The following NR1D2 variants were observed in gnomAD, a reference collection of about 807,000 sequenced individuals.
NR1D2 encodes the protein V-erbA-related protein 1-related.
Under a neutral mutation model 52.2 loss-of-function variants are expected in NR1D2, and 25 were observed. The ratio of observed to expected loss-of-function variants is 0.48; its 90% CI spans 0.35 to 0.67. The LOEUF (loss-of-function observed/expected upper bound fraction) is 0.67, where lower values mean the gene tolerates loss of function less well. NR1D2 is among the 30% of genes least tolerant of loss of function. The pLI, the probability that NR1D2 is intolerant of heterozygous loss-of-function variation, is 0.01. For synonymous variants in NR1D2, 259 were observed against 230.1 expected, an observed-to-expected ratio of 1.13 and a Z score of -1.14; for missense variants, 681 against 707.2, an observed-to-expected ratio of 0.96 and a Z score of 0.42.
At chr3:23,976,965 C>A (rs796906823) in intron 7 of NR1D2, among the ~76,000 whole-genome samples, 6 of 151,738 alleles carry the variant, frequency 4.0e-5, no homozygotes, top group African/African-American at 1.5e-4. Context: ...CCTCTATGTT[C>A]TTGTGAATAA....
At chr3:23,968,327 A>G (rs1018119562) in intron 7 of NR1D2, among the ~76,000 whole-genome samples, 8 of 152,226 alleles carry the variant, frequency 5.3e-5, no homozygotes, top group Non-Finnish European at 1.2e-4. Context: ...TTGTTAGAAC[A>G]TTATGTATCT....
chr3:23,960,610 G>A (rs890440887), intron 4 of NR1D2, among the ~76,000 whole-genome samples: 3 of 152,166 alleles, frequency 2.0e-5, no homozygotes, highest in Non-Finnish European at 2.9e-5. Context: ...GGGATTACAG[G>A]TGTGAGCCAT....
intron 1 of NR1D2, among the ~76,000 whole-genome samples, chr3:23,951,941 A>G (rs543156410): frequency 7.9e-5 from 12 of 152,314 alleles, no homozygotes; most frequent in African/African-American, 2.6e-4. Flanking sequence ...TTTAGATTTT[A>G]GAATAAATGG....
In NR1D2 at chr3:23,956,078, G is replaced by T. The variant is rs1205849812; in HGVS notation, c.325G>T (p.Val109Leu). Residue 109 changes from valine to leucine, a missense_variant, in exon 3 of 8, where the codon GTG (valine) becomes TTG (leucine). Around this residue, in one of 3 missense-constraint regions of NR1D2, gnomAD observed 112 missense variants for 162.3 expected, o/e 0.69. Transcript: ENST00000312521. ...MVLLCKVCGD[V>L]ASGFHYGVHA... Reference sequence around the variant, plus strand: ...TCTACTGTGTAAAGTCTGTGGGGATGTGGCGTCAGGATTCCACTATGGAGT... The same window carrying T: ...TCTACTGTGTAAAGTCTGTGGGGATTTGGCGTCAGGATTCCACTATGGAGT... 1 of 1,614,112 alleles carries T rather than the reference G, an allele frequency of 6.2e-7. No homozygotes were observed. The highest frequency in any genetic ancestry group is 1.7e-5 in the Admixed American group (1 of 60,016).
chr3:23,971,267 C>T (rs191933659), intron 7 of NR1D2, among the ~76,000 whole-genome samples: 28 of 151,926 alleles, frequency 1.8e-4, no homozygotes, highest in African/African-American at 6.3e-4. Flanking sequence ...TTGTTGACCA[C>T]CCAACTCTGA....
At chr3:23,949,700 ATTAT>A (rs754843331) in intron 1 of NR1D2, among the ~76,000 whole-genome samples, 21 of 152,262 alleles carry the variant, frequency 1.4e-4, no homozygotes, top group Non-Finnish European at 2.1e-4. Context: ...TGGAGTAGAA[ATTAT>A]TTATAACACT....
intron 7 of NR1D2, among the ~76,000 whole-genome samples, chr3:23,969,415 C>A (rs1328852131): frequency 6.6e-6 from 1 of 152,120 alleles, no homozygotes; most frequent in Non-Finnish European, 1.5e-5. Context: ...ACCAGCTCTA[C>A]CTGGATAACT....
Position 23,945,520 on chromosome 3 carries a change from C to CGGT in NR1D2, c.-57_-56insTGG, listed in dbSNP as rs1453266764. 1.3e-5 allele frequency: 14 copies of CGGT among 1,084,710 alleles called. No homozygotes were observed. The African/African-American group carries it at 2.2e-4, about 17-fold the overall frequency. The allele number at this position is 1,084,710 out of a possible 1,614,324, so 67.2% of individuals were successfully genotyped here. On this transcript the variant is annotated 5_prime_UTR_variant, in exon 1 of 8. Transcript: ENST00000312521. ...GGGCGGCGCGGCGCTGAGGCGGCGG[C>CGGT]GGCGGCGCTGCCCCCTCTGCGGGAA...
intron 4 of NR1D2, among the ~76,000 whole-genome samples, chr3:23,961,596 A>G (rs563710320): frequency 6.6e-6 from 1 of 151,824 alleles, no homozygotes. Flanking sequence ...GGGTTTCACC[A>G]TATTGGCTAG....
chr3:23,946,362 C>A (rs1333117749), intron 1 of NR1D2: 3 of 930,378 alleles, frequency 3.2e-6, no homozygotes, highest in East Asian at 2.3e-4. Flanking sequence ...CGAGGGCGTG[C>A]TGCAGGCCGG....
chr3:23,947,065 T>A (rs13321440), intron 1 of NR1D2, among the ~76,000 whole-genome samples: 22,269 of 152,212 alleles, frequency 0.15, 2,346 homozygotes, highest in African/African-American at 0.29. Context: ...AATCTGGATC[T>A]AATTGTGTTT....
At chr3:23,962,770 C>G (rs1353093268) in intron 5 of NR1D2, among the ~76,000 whole-genome samples, 165 bp downstream of exon 5, 1 of 151,974 alleles carries the variant, frequency 6.6e-6, no homozygotes, top group Non-Finnish European at 1.5e-5. Flanking sequence ...TAATAAACAT[C>G]TTCTGATGAA....
rs1186658042 is a variant in NR1D2, at chr3:23,962,611, G to A, written c.1146+6G>A. ...CTGGAGGAAGAATGCATCTGGTATA[G>A]TGAAATCGATTTTTTGCTTACATTG... On this transcript the variant is annotated splice_donor_region_variant and intron_variant, in intron 5 of 7. Transcript: ENST00000312521. 3 of 1,571,872 alleles carry A rather than the reference G, an allele frequency of 1.9e-6. No individual in the cohort carries two copies. The highest frequency in any genetic ancestry group is 2.3e-5 in the East Asian group (1 of 44,218).
Position 23,945,553 on chromosome 3 carries a change from GC to G in NR1D2, c.-22del. ...CTGCCCCCTCTGCGGGAAGCGGGCG[GC>G]CCCGGCCGCCTCCGCGAGGGCACCA... On this transcript the variant is annotated 5_prime_UTR_variant, in exon 1 of 8. Transcript: ENST00000312521. The G allele has an allele frequency of 3.5e-6, 4 of 1,154,102 alleles. No homozygotes were observed. 71.5% of individuals were successfully genotyped at this position (1,154,102 alleles called of 1,614,324 possible). A position where few individuals can be genotyped will look rare whatever the true frequency, so the allele number is the denominator to read the frequency against.
chr3:23,945,869 G>C (rs1189148570), intron 1 of NR1D2, among the ~76,000 whole-genome samples: 3 of 150,746 alleles, frequency 2.0e-5, no homozygotes, highest in African/African-American at 4.9e-5. Flanking sequence ...CGTGCGCGCT[G>C]TGTTTACGTT....
In NR1D2 at chr3:23,959,783, A is replaced by G. The variant is rs536818716; in HGVS notation, c.485A>G (p.Lys162Arg). 8.7e-6 allele frequency: 14 copies of G among 1,613,900 alleles called. No homozygotes were observed. In the East Asian group the frequency reaches 2.9e-4, roughly 33 times the overall value. The change falls in exon 4 of 8, where the codon AAA becomes AGA. Residue 162 changes from lysine to arginine, a missense_variant. Physicochemically the swap from Lys to Arg is conservative, Grantham distance 26. This residue lies in a region of NR1D2 where 112 missense variants were observed against 162.3 expected (regional missense o/e 0.69). Transcript: ENST00000312521. ...NRNRCQQCRF[K>R]KCLSVGMSRD... is the part of the protein sequence containing the mutation. ...AACAGATGTCAGCAATGTCGCTTCA[A>G]AAAGTGTCTGTCTGTTGGAATGTCA...
At chr3:23,947,959 A>C (rs763844925) in intron 1 of NR1D2, among the ~76,000 whole-genome samples, 1 of 152,120 alleles carries the variant, frequency 6.6e-6, no homozygotes, top group Non-Finnish European at 1.5e-5. Context: ...CTCTACTAAA[A>C]GGACAAAAAT....
At chr3:23,963,182 G>T in intron 5 of NR1D2, 1 of 968,148 alleles carries the variant, frequency 1.0e-6, no homozygotes, top group Non-Finnish European at 1.5e-6. Context: ...TATCATTGAA[G>T]CTTTTCTATT....
At chr3:23,949,379 CA>C (rs975107840) in intron 1 of NR1D2, among the ~76,000 whole-genome samples, 24 of 151,476 alleles carry the variant, frequency 1.6e-4, no homozygotes, top group African/African-American at 5.8e-4. Flanking sequence ...AAAAAAACAA[CA>C]AAAAACACAC....
Sources: allele counts gnomAD v4.1 joint callset (sites outside exome capture counted in the v4.1 genomes callset), GRCh38; gene constraint gnomAD v4.1.1; regional missense constraint gnomAD v4.1.1; transcripts MANE v1.5; gene names NCBI Gene and HGNC (gene_info 2026-07-23, HGNC 2026-07-21).